NRXN3: variants seen among roughly 807,000 people sequenced by gnomAD.
The protein encoded by NRXN3 is neurexin III.
In NRXN3, 32 loss-of-function variants were observed where a neutral mutation model predicts 137.6. That is an observed-to-expected ratio of 0.23 (90% CI 0.18 to 0.31). The LOEUF (loss-of-function observed/expected upper bound fraction) is 0.31. Ranked by LOEUF, NRXN3 falls within the 10% of genes least tolerant of loss-of-function variation. The pLI, the probability that NRXN3 is intolerant of heterozygous loss-of-function variation, is 1.00. For missense variants in NRXN3, 1,574 were observed against 2,062.5 expected (o/e 0.76, Z 4.59); for synonymous variants, 798 against 784.5 (o/e 1.02, Z -0.29).
chr14:78,284,866 T>A (rs2074949946), intron 3 of NRXN3, among the ~76,000 whole-genome samples: 1 of 152,162 alleles, frequency 6.6e-6, no homozygotes, highest in Non-Finnish European at 1.5e-5. Flanking sequence ...GAGACCAATA[T>A]TTTGTAGAGA....
At chr14:79,652,937 T>C (rs2098484137) in intron 16 of NRXN3, among the ~76,000 whole-genome samples, 2 of 152,060 alleles carry the variant, frequency 1.3e-5, no homozygotes, top group Non-Finnish European at 2.9e-5. Context: ...GAATTAGAAT[T>C]ACTGATCTTA....
At chr14:79,823,527 G>A (rs561357771) in intron 20 of NRXN3, among the ~76,000 whole-genome samples, 1 of 152,210 alleles carries the variant, frequency 6.6e-6, no homozygotes, top group Admixed American at 6.5e-5. Flanking sequence ...AGTGAGCCAT[G>A]ATCACACCAC....
intron 8 of NRXN3, among the ~76,000 whole-genome samples, chr14:78,730,014 A>G (rs1265141971): frequency 6.6e-6 from 1 of 152,156 alleles, no homozygotes; most frequent in Non-Finnish European, 1.5e-5. Flanking sequence ...ACCCCCAATA[A>G]CAAGTTAGGA....
rs975627997 is a variant in NRXN3, at chr14:79,080,789, C to T, written c.3262+92648C>T. Among the ~76,000 whole-genome samples, 6 of 152,176 alleles carry T rather than the reference C, an allele frequency of 3.9e-5. No homozygotes were observed. The South Asian group carries it at 1.0e-3, about 26-fold the overall frequency. On this transcript the variant is annotated intron_variant, in intron 15 of 20. Coordinates refer to ENST00000335750, the MANE Select transcript of NRXN3 (RefSeq NM_001330195.2). ...CAAATGCTTGTCCTACTTCTCCGTG[C>T]GCTTGCCATGGTCTTTGTTTTGCCT...
At chr14:79,701,388 T>C (rs960890360) in intron 19 of NRXN3, among the ~76,000 whole-genome samples, 4 of 152,126 alleles carry the variant, frequency 2.6e-5, no homozygotes, top group African/African-American at 9.7e-5. Context: ...TTCTGTGCCA[T>C]CTAGAGAGAT....
intron 15 of NRXN3, among the ~76,000 whole-genome samples, chr14:79,218,638 C>T (rs982920875): frequency 6.6e-6 from 1 of 152,142 alleles, no homozygotes; most frequent in African/African-American, 2.4e-5. Context: ...AAAGGTAGCT[C>T]TGCAAGGACC....
At chr14:79,839,160 G>A (rs370814170) in intron 20 of NRXN3, among the ~76,000 whole-genome samples, 2 of 151,758 alleles carry the variant, frequency 1.3e-5, no homozygotes, top group East Asian at 3.9e-4. Context: ...ATCAGGTAAA[G>A]GGCCCCTTCT....
chr14:78,763,990 A>T (rs1350408165), intron 8 of NRXN3, among the ~76,000 whole-genome samples: 4 of 152,204 alleles, frequency 2.6e-5, no homozygotes, highest in African/African-American at 9.6e-5. Flanking sequence ...GGTGATGAGC[A>T]TGTCAGTTCC....
intron 15 of NRXN3, among the ~76,000 whole-genome samples, chr14:79,160,413 G>A (rs2060648859): frequency 6.6e-6 from 1 of 151,854 alleles, no homozygotes; most frequent in Non-Finnish European, 1.5e-5. Flanking sequence ...CATTAGTTTT[G>A]TTGCTTTATT....
chr14:78,206,307 A>G (rs1395252634), intron 1 of NRXN3, among the ~76,000 whole-genome samples: 1 of 152,126 alleles, frequency 6.6e-6, no homozygotes, highest in Non-Finnish European at 1.5e-5. Flanking sequence ...AGCTTTTCTC[A>G]ATGCAGAGTG....
intron 17 of NRXN3, among the ~76,000 whole-genome samples, chr14:79,679,787 ATCATTGGCCACTTTC>A (rs1731477075): frequency 6.6e-6 from 1 of 152,186 alleles, no homozygotes; most frequent in South Asian, 2.1e-4. Flanking sequence ...ATTTTACATA[ATCATTGGCCACTTTC>A]TTAAAAGTGT....
chr14:78,655,368 T>C (rs2097776359), intron 6 of NRXN3, among the ~76,000 whole-genome samples: 1 of 152,192 alleles, frequency 6.6e-6, no homozygotes, highest in Admixed American at 6.5e-5. Flanking sequence ...AATGTAAGTG[T>C]AAGTGAATAT....
intron 10 of NRXN3, among the ~76,000 whole-genome samples, chr14:78,955,630 G>A (rs574847535): frequency 6.6e-6 from 1 of 152,154 alleles, no homozygotes; most frequent in Admixed American, 6.5e-5. Context: ...TGAGCTTTGG[G>A]TGCATTCTGA....
At chr14:78,432,475 G>A (rs138033224) in intron 4 of NRXN3, among the ~76,000 whole-genome samples, 4 of 152,106 alleles carry the variant, frequency 2.6e-5, no homozygotes, top group Admixed American at 6.6e-5. Context: ...TGACCCTGTC[G>A]ACCCAACAGT....
At chr14:78,372,742 G>T (rs978625101) in intron 4 of NRXN3, among the ~76,000 whole-genome samples, 4 of 152,140 alleles carry the variant, frequency 2.6e-5, no homozygotes, top group African/African-American at 4.8e-5. Context: ...AAATATTAAG[G>T]ATAAGCTAAG....
chr14:78,205,919 G>A (rs1447043139), intron 1 of NRXN3, among the ~76,000 whole-genome samples: 1 of 152,228 alleles, frequency 6.6e-6, no homozygotes, highest in East Asian at 1.9e-4. Flanking sequence ...CAACAATTCA[G>A]GTAAGAGATG....
At chr14:78,352,113 G>A (rs1350154078) in intron 4 of NRXN3, among the ~76,000 whole-genome samples, 1 of 150,478 alleles carries the variant, frequency 6.6e-6, no homozygotes, top group Admixed American at 6.6e-5. Context: ...AAAAAAGATA[G>A]CAGGCATTGC....
chr14:79,318,178 G>A (rs74069725), intron 15 of NRXN3, among the ~76,000 whole-genome samples: 1,999 of 152,296 alleles, frequency 0.013, 52 homozygotes, highest in African/African-American at 0.045. Context: ...AAGTTGCATT[G>A]TGTATACTAA....
chr14:78,317,256 A>G (rs976964844), intron 4 of NRXN3, among the ~76,000 whole-genome samples: 2 of 152,002 alleles, frequency 1.3e-5, no homozygotes, highest in African/African-American at 2.4e-5. Context: ...GGAGTCTCCA[A>G]CCCCCAGGCT....
Sources: allele counts gnomAD v4.1 joint callset (sites outside exome capture counted in the v4.1 genomes callset), GRCh38; gene constraint gnomAD v4.1.1; transcripts MANE v1.5; gene names NCBI Gene and HGNC (gene_info 2026-07-23, HGNC 2026-07-21).